Variants in BAIAP2 observed in about 807,000 individuals in gnomAD.
BAIAP2 encodes the protein BAR/IMD domain-containing adapter protein 2.
A neutral mutation model predicts 63.0 loss-of-function variants in BAIAP2; 18 were observed. The ratio of observed to expected loss-of-function variants is 0.29; its 90% CI spans 0.20 to 0.42. BAIAP2 has a LOEUF of 0.42. Among genes scored for constraint, BAIAP2 ranks in the 10% least tolerant of loss-of-function variants. BAIAP2 has a pLI of 1.00. For missense variants in BAIAP2, 610 were observed against 734.3 expected (o/e 0.83, Z 1.96); for synonymous variants, 386 against 307.6 (o/e 1.25, Z -2.67).
chr17:81,102,478 C>A (rs2058629685), intron 7 of BAIAP2, among the ~76,000 whole-genome samples: 2 of 152,180 alleles, frequency 1.3e-5, no homozygotes, highest in Admixed American at 6.5e-5. Flanking sequence ...CCGTCTCCAG[C>A]TCTGTTACTG....
chr17:81,036,869 G>A, intron 1 of BAIAP2: 1 of 1,535,892 alleles, frequency 6.5e-7, no homozygotes, highest in Non-Finnish European at 8.7e-7. Flanking sequence ...GCAGAGGGTG[G>A]AAGAGAAGTA....
chr17:81,074,406 G>C (rs2053262352), intron 3 of BAIAP2, among the ~76,000 whole-genome samples: 1 of 151,702 alleles, frequency 6.6e-6, no homozygotes, highest in Non-Finnish European at 1.5e-5. Flanking sequence ...TGGTGTGCGT[G>C]CATGGATGCG....
chr17:81,060,802 T>A (rs181225558), intron 3 of BAIAP2, among the ~76,000 whole-genome samples: 1 of 152,044 alleles, frequency 6.6e-6, no homozygotes, highest in Non-Finnish European at 1.5e-5. Flanking sequence ...AGAGGGCAGG[T>A]TTATGCCATT....
rs1188712015 is a variant in BAIAP2 at position 81,110,242 on chromosome 17, A to G, written c.1535+1733A>G. On this transcript the variant is annotated intron_variant, in intron 13 of 13. Transcript: ENST00000428708. Reference sequence around the variant, plus strand: ...TAGTGTTTGTGTGGGAAGCAGCTCAAGACGCGGACCGCGTGACATTAAGGA... The same window carrying G: ...TAGTGTTTGTGTGGGAAGCAGCTCAGGACGCGGACCGCGTGACATTAAGGA... 6 of 984,934 alleles carry G rather than the reference A, an allele frequency of 6.1e-6. No individual in the cohort carries two copies. In the South Asian group the frequency reaches 1.4e-4, roughly 23 times the overall value. The allele number at this position is 984,934 out of a possible 1,614,324, so 61.0% of individuals were successfully genotyped here. A position where few individuals can be genotyped will look rare whatever the true frequency, so the allele number is the denominator to read the frequency against.
chr17:81,045,922 G>A (rs2047735933), intron 1 of BAIAP2, among the ~76,000 whole-genome samples: 1 of 152,180 alleles, frequency 6.6e-6, no homozygotes, highest in Non-Finnish European at 1.5e-5. Flanking sequence ...GAACAGGCTG[G>A]CCTCTTCCTG....
chr17:81,044,427 C>T (rs939678644), intron 1 of BAIAP2, among the ~76,000 whole-genome samples: 5 of 152,240 alleles, frequency 3.3e-5, no homozygotes, highest in Admixed American at 2.6e-4. Context: ...CCTGGCTCGT[C>T]CCTATGTTAT....
chr17:81,098,305 G>A (rs927409307), intron 6 of BAIAP2: 15 of 775,888 alleles, frequency 1.9e-5, no homozygotes, highest in South Asian at 1.2e-4. Context: ...CAGCTTCTTC[G>A]CCACTCTCTC....
At chr17:81,070,335 C>T (rs2052363543) in intron 3 of BAIAP2, among the ~76,000 whole-genome samples, 1 of 152,322 alleles carries the variant, frequency 6.6e-6, no homozygotes, top group Admixed American at 6.5e-5. Context: ...CTGGGTCTGC[C>T]CTCCACACTG....
intron 3 of BAIAP2, among the ~76,000 whole-genome samples, chr17:81,068,835 G>A (rs956436338): frequency 6.6e-6 from 1 of 152,202 alleles, no homozygotes; most frequent in Non-Finnish European, 1.5e-5. Context: ...CCAGCCTTGC[G>A]TTCCTGGCTG....
At chr17:81,114,644 C>T (rs1295030485) in intron 13 of BAIAP2, among the ~76,000 whole-genome samples, 1 of 152,254 alleles carries the variant, frequency 6.6e-6, no homozygotes, top group Non-Finnish European at 1.5e-5. Flanking sequence ...CTCTTAAAAA[C>T]TCAGTCTGTA....
intron 1 of BAIAP2, among the ~76,000 whole-genome samples, chr17:81,045,894 C>T (rs1160236262): frequency 1.3e-5 from 2 of 152,144 alleles, no homozygotes; most frequent in African/African-American, 2.4e-5. Flanking sequence ...GGGTGGGGGA[C>T]CAGCCCCCTC....
At chr17:81,084,797 C>T (rs765683160) in intron 3 of BAIAP2, 35 bp from the exon 4 acceptor site, 12 of 1,607,190 alleles carry the variant, frequency 7.5e-6, no homozygotes, top group Non-Finnish European at 7.7e-6. Flanking sequence ...GAGCACCTGA[C>T]TCCCTCCCCT....
chr17:81,093,615 C>T (rs1475989376), intron 6 of BAIAP2, among the ~76,000 whole-genome samples: 1 of 152,082 alleles, frequency 6.6e-6, no homozygotes, highest in Non-Finnish European at 1.5e-5. Flanking sequence ...GGAAGCGGCA[C>T]TGGTGCTCTG....
chr17:81,038,733 C>A (rs1209747438), intron 1 of BAIAP2, among the ~76,000 whole-genome samples: 1 of 152,240 alleles, frequency 6.6e-6, no homozygotes, highest in African/African-American at 2.4e-5. Flanking sequence ...GGCTTTTCTG[C>A]TCCGTGCCCG....
chr17:81,089,652 G>C (rs924814567), intron 6 of BAIAP2, among the ~76,000 whole-genome samples: 1 of 152,218 alleles, frequency 6.6e-6, no homozygotes, highest in Non-Finnish European at 1.5e-5. Flanking sequence ...GAGGGAGGGG[G>C]TCGTGGCCTT....
intron 6 of BAIAP2, among the ~76,000 whole-genome samples, 171 bp downstream of exon 6, chr17:81,086,751 C>T (rs1217040370): frequency 1.3e-5 from 2 of 152,214 alleles, no homozygotes; most frequent in Admixed American, 6.5e-5. Flanking sequence ...GCCCCCAGGC[C>T]GGTGGGATGG....
chr17:81,092,949 A>C (rs1321496728), intron 6 of BAIAP2, among the ~76,000 whole-genome samples: 1 of 151,714 alleles, frequency 6.6e-6, no homozygotes, highest in African/African-American at 2.4e-5. Context: ...CAGGGCCCGG[A>C]ATGGGGCTGA....
At chr17:81,058,184 G>T (rs1196574576) in intron 3 of BAIAP2, among the ~76,000 whole-genome samples, 1 of 152,216 alleles carries the variant, frequency 6.6e-6, no homozygotes, top group African/African-American at 2.4e-5. Context: ...TGCAGCCTGG[G>T]GTGAGGACAG....
intron 7 of BAIAP2, 69 bp from the exon 8 acceptor site, chr17:81,103,433 C>A: frequency 7.1e-7 from 1 of 1,417,364 alleles, no homozygotes; most frequent in Non-Finnish European, 9.6e-7. Flanking sequence ...GGAGGGCCCT[C>A]AGCGCTGTGC....
Sources: allele counts gnomAD v4.1 joint callset (sites outside exome capture counted in the v4.1 genomes callset), GRCh38; gene constraint gnomAD v4.1.1; transcripts MANE v1.5; gene names NCBI Gene and HGNC (gene_info 2026-07-23, HGNC 2026-07-21).